LEMD1: variants seen among roughly 807,000 people sequenced by gnomAD.
The protein encoded by LEMD1 is LEM domain containing 1, also known as LEM domain-containing protein 1.
In LEMD1, 18 loss-of-function variants were observed where a neutral mutation model predicts 17.4. The ratio of observed to expected loss-of-function variants is 1.04; its 90% CI spans 0.72 to 1.54. LEMD1 has a LOEUF of 1.54. LEMD1 is among the 40% of genes most tolerant of loss of function. LEMD1 has a pLI of 0.00. For synonymous variants in LEMD1, 88 were observed against 77.8 expected (o/e 1.13, Z -0.69); for missense variants, 195 against 210.4 (o/e 0.93, Z 0.45).
rs537856707 is a variant in LEMD1 at position 205,444,546 on chromosome 1, T to G, written c.-39+5322A>C. Among the ~76,000 whole-genome samples the G allele has an allele frequency of 2.0e-5, 3 of 152,128 alleles. No homozygotes were observed. In the East Asian group the frequency reaches 5.8e-4, roughly 30 times the overall value. ...CCTGGGGTCCTCCAACCCTTGCACC[T>G]CTGGCAAAAATGGGGCAGTGAGTCA... On this transcript the variant is annotated intron_variant, in intron 1 of 3. Coordinates refer to the LEMD1 transcript ENST00000367154.
chr1:205,445,111 C>T (rs1227710689), intron 1 of LEMD1, among the ~76,000 whole-genome samples: 3 of 152,010 alleles, frequency 2.0e-5, no homozygotes, highest in East Asian at 1.9e-4. Context: ...GGGATTAGCT[C>T]GGGCGGTGGA....
chr1:205,436,059 C>G (rs1480836789), intron 1 of LEMD1: 4 of 152,278 alleles, frequency 2.6e-5, no homozygotes, highest in African/African-American at 9.7e-5. Flanking sequence ...GCCATGGCAA[C>G]AGAGGCTGGG....
intron 1 of LEMD1, among the ~76,000 whole-genome samples, chr1:205,430,172 C>T (rs1666106744): frequency 1.3e-5 from 2 of 152,228 alleles, no homozygotes; most frequent in African/African-American, 4.8e-5. Context: ...AAAATGAATT[C>T]TTGCCACATA....
intron 4 of LEMD1, among the ~76,000 whole-genome samples, chr1:205,396,723 A>G (rs1382011368): frequency 6.6e-6 from 1 of 152,210 alleles, no homozygotes; most frequent in Admixed American, 6.5e-5. Flanking sequence ...TGAAATACAA[A>G]ATCATGAAAA....
chr1:205,389,917 G>A (rs913870408), intron 4 of LEMD1, among the ~76,000 whole-genome samples: 4 of 152,176 alleles, frequency 2.6e-5, no homozygotes, highest in Admixed American at 1.3e-4. Flanking sequence ...ATCCTGATAT[G>A]ATAAAGCTTT....
At chr1:205,384,204 C>T (rs1663874715) in intron 5 of LEMD1, 84 bp downstream of exon 5, 2 of 780,478 alleles carry the variant, frequency 2.6e-6, no homozygotes, top group Non-Finnish European at 3.8e-6. Flanking sequence ...CTAAACCCTT[C>T]ACAGAAATCT....
intron 2 of LEMD1, among the ~76,000 whole-genome samples, chr1:205,419,633 TTG>T (rs1048254493): frequency 1.3e-5 from 2 of 152,184 alleles, no homozygotes; most frequent in Admixed American, 6.5e-5. Context: ...CGGCTAATTT[TTG>T]TGTTTACTTT....
intron 4 of LEMD1, among the ~76,000 whole-genome samples, chr1:205,411,238 G>T (rs573344114): frequency 9.8e-5 from 14 of 143,134 alleles, no homozygotes; most frequent in African/African-American, 3.6e-4. Context: ...AGGGAGGGAG[G>T]GAAAGGAAGG....
Position 205,448,408 on chromosome 1 carries a change from A to G in LEMD1, c.-39+1460T>C, listed in dbSNP as rs781492935. On this transcript the variant is annotated intron_variant, in intron 1 of 3. Transcript: ENST00000367154. This position sits in a 1 kb window ranked among gnomAD's most constrained non-coding sequence, Gnocchi z 4.7. ...AGGCCACAGCAGAGTGGAGGGGTCC[A>G]GCGGCAGGAATCTCATAGGGAAGCG... 5.6e-6 allele frequency: 3 copies of G among 534,056 alleles called. No individual in the cohort carries two copies. The highest frequency in any genetic ancestry group is 2.8e-5 in the South Asian group (2 of 71,532). The allele number at this position is 534,056 out of a possible 1,614,324, so 33.1% of individuals were successfully genotyped here.
At chr1:205,404,954 C>T (rs12087531) in intron 4 of LEMD1, among the ~76,000 whole-genome samples, 46,676 of 151,912 alleles carry the variant, frequency 0.31, 7,531 homozygotes, top group African/African-American at 0.38. Context: ...TTCTCCTTCA[C>T]TTATGAAACT....
At position 205,405,197 on chromosome 1, in the gene LEMD1, C is replaced by T. The variant is rs1280273160; in HGVS notation, c.270+11035G>A. Among the ~76,000 whole-genome samples, 40 of 151,884 alleles carry T rather than the reference C, an allele frequency of 2.6e-4. No homozygotes were observed. In the East Asian group the frequency reaches 3.3e-3, roughly 12 times the overall value. On this transcript the variant is annotated intron_variant, in intron 4 of 5. Coordinates refer to ENST00000367153, the MANE Select transcript of LEMD1 (RefSeq NM_001199050.2). ...TTATGTGTCTTGGAGTTGCTCTTCT[C>T]GAGGAGTATCTTTGTGGCGTTCTCT...
upstream of LEMD1, among the ~76,000 whole-genome samples, chr1:205,426,549 A>G (rs1467708): frequency 0.85 from 129,141 of 152,150 alleles, 54,961 homozygotes; most frequent in East Asian, 1. Context: ...GGGAAGAACA[A>G]GTAAGGTCTG....
At chr1:205,411,951 G>A (rs1558728936) in intron 4 of LEMD1, among the ~76,000 whole-genome samples, 1 of 152,206 alleles carries the variant, frequency 6.6e-6, no homozygotes, top group Non-Finnish European at 1.5e-5. Flanking sequence ...GTTGGATGCA[G>A]CAGCCCTCTG....
chr1:205,381,778 C>G lies in LEMD1; in HGVS notation c.426G>C (p.Gln142His). 1.2e-6 allele frequency: 2 copies of G among 1,614,230 alleles called. No homozygotes were observed. Among genetic ancestry groups the G allele is most frequent in the Non-Finnish European group, 8.5e-7 (1 of 1,180,038 alleles). ...CTTCTTCTCTCCAGCTCTCGATAGT[C>G]TGGTCTTCCGCGCAGTAGTCTCTCT... ...TKERDYCAED[Q>H]TIESWREEGF... The change falls in exon 6 of 6, where the codon CAG becomes CAC. Residue 142 changes from glutamine to histidine, a missense_variant. Gln to His is a conservative substitution (Grantham distance 24). Coordinates refer to ENST00000367153, the MANE Select transcript of LEMD1 (RefSeq NM_001199050.2).
chr1:205,443,148 A>G (rs1034627418), intron 1 of LEMD1, among the ~76,000 whole-genome samples: 2 of 152,188 alleles, frequency 1.3e-5, no homozygotes, highest in Admixed American at 6.5e-5. Flanking sequence ...AAGCAGTCCC[A>G]TGATTATTGA....
intron 1 of LEMD1, among the ~76,000 whole-genome samples, chr1:205,443,845 C>T (rs865844211): frequency 7.9e-5 from 12 of 152,168 alleles, no homozygotes; most frequent in African/African-American, 2.4e-4. Flanking sequence ...TATCCCTGCC[C>T]GCTGTGAACC....
At chr1:205,410,406 A>G (rs1449353641) in intron 4 of LEMD1, among the ~76,000 whole-genome samples, 1 of 152,202 alleles carries the variant, frequency 6.6e-6, no homozygotes, top group East Asian at 1.9e-4. Context: ...CTCTGTTGCA[A>G]CCATTCCCTG....
chr1:205,406,731 C>A (rs1467496153), intron 4 of LEMD1, among the ~76,000 whole-genome samples: 1 of 152,222 alleles, frequency 6.6e-6, no homozygotes, highest in African/African-American at 2.4e-5. Context: ...CGCCCACTGT[C>A]TGACACTCCC....
chr1:205,414,390 C>G (rs1026151420), intron 4 of LEMD1, among the ~76,000 whole-genome samples: 1 of 150,430 alleles, frequency 6.6e-6, no homozygotes, highest in Non-Finnish European at 1.5e-5. Context: ...CGAGACCAGC[C>G]TGGGCGACAG....
Sources: gnomAD v4.1 joint callset for allele counts (sites outside exome capture counted in the v4.1 genomes callset) on GRCh38, gnomAD v4.1.1 for gene constraint, Gnocchi (gnomAD v3.1) non-coding constraint, MANE v1.5 for transcripts, NCBI Gene and HGNC (gene_info 2026-07-23, HGNC 2026-07-21) for gene names.